The following CNTNAP2 variants were observed in gnomAD, a reference collection of about 807,000 sequenced individuals.
CNTNAP2 encodes the protein contactin-associated protein-like 2.
Under a neutral mutation model 155.2 loss-of-function variants are expected in CNTNAP2, and 98 were observed. The observed-to-expected ratio is 0.63, with a 90% CI of 0.54 to 0.75. The LOEUF (loss-of-function observed/expected upper bound fraction) is 0.75. Among genes scored for constraint, CNTNAP2 ranks in the 30% least tolerant of loss-of-function variants. The probability of loss-of-function intolerance (pLI) is 0.00; values close to 1 mark genes in which losing one functional copy is unlikely to be tolerated. For missense variants in CNTNAP2, 1,727 were observed against 1,688.1 expected, an observed-to-expected ratio of 1.02 and a Z score of -0.40; for synonymous variants, 651 against 631.2, an observed-to-expected ratio of 1.03 and a Z score of -0.47.
chr7:148,180,733 G>A (rs1285614195), intron 18 of CNTNAP2, among the ~76,000 whole-genome samples: 3 of 152,192 alleles, frequency 2.0e-5, no homozygotes, highest in Non-Finnish European at 4.4e-5. Context: ...AGATAAGGTG[G>A]AAAACTTAGT....
chr7:146,647,839 T>C (rs1007709879), intron 1 of CNTNAP2, among the ~76,000 whole-genome samples: 3 of 152,204 alleles, frequency 2.0e-5, no homozygotes, highest in African/African-American at 7.2e-5. Context: ...TCTACTAATC[T>C]ATAGTCATCC....
chr7:147,728,474 C>T (rs190995543), intron 13 of CNTNAP2, among the ~76,000 whole-genome samples: 7 of 152,074 alleles, frequency 4.6e-5, no homozygotes, highest in East Asian at 1.9e-4. Context: ...GTCCATTTAG[C>T]GCCCAGAAAT....
intron 14 of CNTNAP2, among the ~76,000 whole-genome samples, chr7:147,919,963 G>A (rs543451002): frequency 7.9e-5 from 12 of 152,072 alleles, no homozygotes; most frequent in Admixed American, 2.0e-4. Flanking sequence ...TCCTTCCTAC[G>A]GTGGTGATGT....
chr7:147,455,389 C>CG (rs1367546662), intron 10 of CNTNAP2, among the ~76,000 whole-genome samples: 1 of 152,068 alleles, frequency 6.6e-6, no homozygotes, highest in Admixed American at 6.6e-5. Flanking sequence ...TTAAAAACTT[C>CG]AGTAAGTTGC....
At chr7:146,176,052 A>G (rs575778820) in intron 1 of CNTNAP2, among the ~76,000 whole-genome samples, 1 of 152,342 alleles carries the variant, frequency 6.6e-6, no homozygotes, top group East Asian at 1.9e-4. Flanking sequence ...GGAAATTTAC[A>G]TACACTATAA....
At chr7:147,579,538 C>A (rs1800458793) in intron 12 of CNTNAP2, among the ~76,000 whole-genome samples, 1 of 152,000 alleles carries the variant, frequency 6.6e-6, no homozygotes, top group African/African-American at 2.4e-5. Context: ...ATTAATATGC[C>A]ATTTATAGCC....
intron 1 of CNTNAP2, among the ~76,000 whole-genome samples, chr7:146,622,172 TATATATATACACATATATAC>T (rs1292534022): frequency 6.7e-6 from 1 of 149,794 alleles, no homozygotes; most frequent in Non-Finnish European, 1.5e-5. Context: ...TACACACACG[TATATATATACACATATATAC>T]ATATATATAC....
intron 13 of CNTNAP2, among the ~76,000 whole-genome samples, chr7:147,737,087 G>A (rs907994368): frequency 1.1e-4 from 17 of 152,174 alleles, no homozygotes; most frequent in Admixed American, 3.3e-4. Context: ...CTTTGGAGGT[G>A]GAGAGGCGCT....
chr7:146,868,937 G>C (rs1795254843), intron 3 of CNTNAP2, among the ~76,000 whole-genome samples: 1 of 152,144 alleles, frequency 6.6e-6, no homozygotes. Context: ...TGCTTTTCTA[G>C]ATATAGAATC....
chr7:148,280,918 CA>C (rs55842107), intron 21 of CNTNAP2, among the ~76,000 whole-genome samples: 5 of 146,398 alleles, frequency 3.4e-5, no homozygotes, highest in African/African-American at 2.5e-5. Flanking sequence ...GACTCCATCT[CA>C]AAAAAAAAAG....
chr7:147,115,483 T>C (rs1168404071), intron 5 of CNTNAP2, among the ~76,000 whole-genome samples: 3 of 152,216 alleles, frequency 2.0e-5, no homozygotes, highest in Non-Finnish European at 4.4e-5. Context: ...TTTCTTTACA[T>C]AATTCCATAT....
chr7:146,466,839 A>G (rs893609592), intron 1 of CNTNAP2, among the ~76,000 whole-genome samples: 6 of 152,128 alleles, frequency 3.9e-5, no homozygotes, highest in Non-Finnish European at 7.4e-5. Flanking sequence ...AAATATCCCT[A>G]CTTAATACTT....
At chr7:146,683,749 T>A (rs1430639297) in intron 1 of CNTNAP2, among the ~76,000 whole-genome samples, 4 of 152,164 alleles carry the variant, frequency 2.6e-5, no homozygotes, top group Non-Finnish European at 5.9e-5. Context: ...TATTAAGATA[T>A]TAAGCCTATC....
intron 1 of CNTNAP2, among the ~76,000 whole-genome samples, chr7:146,326,944 A>G (rs1801107903): frequency 6.6e-6 from 1 of 152,208 alleles, no homozygotes; most frequent in African/African-American, 2.4e-5. Context: ...TCCTATGCAA[A>G]TAAGTAATCT....
At chr7:147,252,898 C>G (rs1804231941) in intron 8 of CNTNAP2, among the ~76,000 whole-genome samples, 1 of 152,196 alleles carries the variant, frequency 6.6e-6, no homozygotes, top group Admixed American at 6.5e-5. Context: ...TTACACTCAA[C>G]AGTGTGGTAT....
chr7:147,808,601 A>T (rs1798129921), intron 13 of CNTNAP2, among the ~76,000 whole-genome samples: 4 of 152,216 alleles, frequency 2.6e-5, no homozygotes, highest in Admixed American at 1.3e-4. Flanking sequence ...ATCTGTAATT[A>T]ATTTCTTTGC....
intron 1 of CNTNAP2, among the ~76,000 whole-genome samples, chr7:146,417,578 T>A (rs540390351): frequency 6.6e-6 from 1 of 152,196 alleles, no homozygotes; most frequent in African/African-American, 2.4e-5. Flanking sequence ...CTTCTTCTTC[T>A]TTTTTTGTGG....
At chr7:146,990,494 C>T (rs926627696) in intron 3 of CNTNAP2, among the ~76,000 whole-genome samples, 3 of 151,996 alleles carry the variant, frequency 2.0e-5, no homozygotes, top group Admixed American at 6.6e-5. Flanking sequence ...GACACCTAGC[C>T]TTAGTTGTTT....
chr7:146,782,731 G>C (rs1464041213), intron 2 of CNTNAP2, among the ~76,000 whole-genome samples: 1 of 152,058 alleles, frequency 6.6e-6, no homozygotes, highest in African/African-American at 2.4e-5. Flanking sequence ...CAGTTATACT[G>C]TTTAGCAGAG....
Sources: gnomAD v4.1 joint callset for allele counts (sites outside exome capture counted in the v4.1 genomes callset) on GRCh38, gnomAD v4.1.1 for gene constraint, MANE v1.5 for transcripts, NCBI Gene and HGNC (gene_info 2026-07-23, HGNC 2026-07-21) for gene names.